The following ZDHHC23 variants were observed in gnomAD, a reference collection of about 807,000 sequenced individuals.
ZDHHC23 encodes the protein palmitoyltransferase ZDHHC23.
ZDHHC23 carries 41 observed loss-of-function variants against 40.2 expected under a neutral mutation model. The ratio of observed to expected loss-of-function variants is 1.02; its 90% CI spans 0.79 to 1.32. The LOEUF is 1.32. Ranked by LOEUF, ZDHHC23 falls within the 40% of genes most tolerant of loss-of-function variation. ZDHHC23 has a pLI of 0.00. For missense variants in ZDHHC23, 471 were observed against 541.5 expected (o/e 0.87, Z 1.29); for synonymous variants, 204 against 210.2 (o/e 0.97, Z 0.26).
intron 3 of ZDHHC23, 31 bp downstream of exon 3, chr3:113,954,441 G>C (rs372761378): frequency 2.7e-6 from 4 of 1,503,886 alleles, no homozygotes; most frequent in Non-Finnish European, 3.6e-6. Flanking sequence ...GACTTGGAAA[G>C]TGTAAATTCA....
the ZDHHC23 span, among the ~76,000 whole-genome samples, chr3:113,974,429 C>T: frequency 6.6e-6 from 1 of 151,964 alleles, no homozygotes; most frequent in East Asian, 1.9e-4. Flanking sequence ...AAGCCATTCT[C>T]CTGCCTCAGG....
the ZDHHC23 span, among the ~76,000 whole-genome samples, chr3:113,975,158 A>C: frequency 1.3e-5 from 2 of 152,178 alleles, no homozygotes; most frequent in African/African-American, 2.4e-5. Context: ...GTTAAGAACT[A>C]TGGTAGCAAG....
Position 113,962,621 on chromosome 3 carries a change from C to G in ZDHHC23, c.*3991C>G, listed in dbSNP as rs778338700. ...GCCTGCAGTCTCAACTCATTGTGATCCTAATGGTCTGGGTGATTGGATGGT... is the reference window on the plus strand; with the variant it reads ...GCCTGCAGTCTCAACTCATTGTGATGCTAATGGTCTGGGTGATTGGATGGT... On this transcript the variant is annotated 3_prime_UTR_variant, in exon 5 of 5. Coordinates refer to ENST00000638807, the MANE Select transcript of ZDHHC23 (RefSeq NM_001320466.2). The G allele has an allele frequency of 1.3e-5, 2 of 152,152 alleles. No homozygotes were observed. The highest frequency in any genetic ancestry group is 1.5e-5 in the Non-Finnish European group (1 of 68,034). The allele number at this position is 152,152 out of a possible 1,614,324, so 9.4% of individuals were successfully genotyped here.
downstream of ZDHHC23, among the ~76,000 whole-genome samples, chr3:113,966,620 C>T (rs1467251678): frequency 1.3e-5 from 2 of 152,118 alleles, no homozygotes; most frequent in Non-Finnish European, 2.9e-5. Flanking sequence ...TGTGGAGTTA[C>T]AGTGTTGAAA....
intron 3 of ZDHHC23, among the ~76,000 whole-genome samples, chr3:113,955,309 A>G (rs1939076693): frequency 6.6e-6 from 1 of 152,082 alleles, no homozygotes; most frequent in African/African-American, 2.4e-5. Flanking sequence ...CTTTAGAAGT[A>G]AACAGGTGTT....
Position 113,960,709 on chromosome 3 carries a change from AC to A in ZDHHC23, c.*2081del. On this transcript the variant is annotated 3_prime_UTR_variant, in exon 5 of 5. Coordinates refer to ENST00000638807, the MANE Select transcript of ZDHHC23 (RefSeq NM_001320466.2). ...TGATGACAATTTTTTTTAACAACTT[AC>A]CTCTAATAGGGTTACTTGGATGAGC... 1 of 1,605,004 alleles carries A rather than the reference AC, an allele frequency of 6.2e-7. No homozygotes were observed. Among genetic ancestry groups the A allele is most frequent in the Middle Eastern group, 1.7e-4 (1 of 6,026 alleles).
chr3:113,954,919 CTATT>C (rs779282152), intron 3 of ZDHHC23, among the ~76,000 whole-genome samples: 2 of 152,126 alleles, frequency 1.3e-5, no homozygotes, highest in East Asian at 1.9e-4. Flanking sequence ...GATAAACTCT[CTATT>C]TGATTATTTG....
chr3:113,972,421 A>G, the ZDHHC23 span, among the ~76,000 whole-genome samples: 1 of 152,014 alleles, frequency 6.6e-6, no homozygotes, highest in East Asian at 1.9e-4. Context: ...ATTTTATTCT[A>G]TTGTGGTCAG....
At chr3:113,965,504 AGT>A (rs1940034259), downstream of ZDHHC23, 2 of 447,756 alleles carry the variant, frequency 4.5e-6, no homozygotes, top group Non-Finnish European at 3.9e-6. Flanking sequence ...GGATTATGAC[AGT>A]GTGAAATGCT....
At chr3:113,971,527 C>A in the ZDHHC23 span, among the ~76,000 whole-genome samples, 1 of 152,156 alleles carries the variant, frequency 6.6e-6, no homozygotes, top group Non-Finnish European at 1.5e-5. Flanking sequence ...TGGGATAAAT[C>A]CCACTTGATC....
At chr3:113,948,658 CT>C in intron 1 of ZDHHC23, 27 bp from the exon 2 acceptor site, 3 of 943,660 alleles carry the variant, frequency 3.2e-6, no homozygotes, top group Non-Finnish European at 4.6e-6. Flanking sequence ...CCCCCTCCCC[CT>C]CTCTCTTCTC....
At position 113,963,179 on chromosome 3, in the gene ZDHHC23, A is replaced by C. The variant is rs1325989505; in HGVS notation, c.*4549A>C. 2 of 152,126 alleles carry C rather than the reference A, an allele frequency of 1.3e-5. No homozygotes were observed. Among genetic ancestry groups the C allele is most frequent in the African/African-American group, 4.8e-5 (2 of 41,408 alleles). The allele number at this position is 152,126 out of a possible 1,614,324, so 9.4% of individuals were successfully genotyped here. A position where few individuals can be genotyped will look rare whatever the true frequency, so the allele number is the denominator to read the frequency against. On this transcript the variant is annotated 3_prime_UTR_variant, in exon 5 of 5. Transcript: ENST00000638807. ...CTGCTTGTTGGGGCATTATGTTAAC[A>C]GTAACATTTTGAAACATACTTTCAT...
In ZDHHC23 at chr3:113,948,752, C is replaced by T. The variant is rs1308115866; in HGVS notation, c.-51C>T. Reference sequence around the variant, plus strand: ...TACGAGATGTAAGTTGTGTTCTTTCCACCTTTACCTTCTGAGGGCTTCTTA... The same window carrying T: ...TACGAGATGTAAGTTGTGTTCTTTCTACCTTTACCTTCTGAGGGCTTCTTA... On this transcript the variant is annotated 5_prime_UTR_variant, in exon 2 of 5. Transcript: ENST00000638807. 1.1e-5 allele frequency: 17 copies of T among 1,609,054 alleles called. No homozygotes were observed. Among genetic ancestry groups the T allele is most frequent in the Non-Finnish European group, 1.4e-5 (17 of 1,177,012 alleles).
At chr3:113,979,100 A>C in the ZDHHC23 span, 2 of 1,187,422 alleles carry the variant, frequency 1.7e-6, no homozygotes, top group African/African-American at 1.5e-5. Context: ...GCTATAAAAC[A>C]CATTTAGGCA....
At chr3:113,952,758 T>C (rs1400155508) in intron 2 of ZDHHC23, among the ~76,000 whole-genome samples, 1 of 152,174 alleles carries the variant, frequency 6.6e-6, no homozygotes, top group Admixed American at 6.5e-5. Flanking sequence ...AGCAGCAGAT[T>C]CAGTGTCTGG....
downstream of ZDHHC23, among the ~76,000 whole-genome samples, chr3:113,967,463 T>G (rs73230261): frequency 0.013 from 1,951 of 152,048 alleles, 30 homozygotes; most frequent in South Asian, 0.038. Context: ...TGATCACTGG[T>G]TTGGCACTTA....
intron 3 of ZDHHC23, 51 bp from the exon 4 acceptor site, chr3:113,956,288 A>C: frequency 6.4e-7 from 1 of 1,563,188 alleles, no homozygotes. Context: ...AAGTTATATC[A>C]AGAACTCTTA....
downstream of ZDHHC23, among the ~76,000 whole-genome samples, chr3:113,970,144 T>A (rs1048775632): frequency 4.0e-4 from 61 of 152,304 alleles, no homozygotes; most frequent in African/African-American, 1.3e-3. Flanking sequence ...TTTTTCAGAT[T>A]GTTCACTGTT....
chr3:113,970,197 T>C (rs1019750331), downstream of ZDHHC23, among the ~76,000 whole-genome samples: 1 of 152,162 alleles, frequency 6.6e-6, no homozygotes, highest in African/African-American at 2.4e-5. Context: ...GAATGTTGAT[T>C]TTGTATGCTG....
Sources: allele counts gnomAD v4.1 joint callset (sites outside exome capture counted in the v4.1 genomes callset), GRCh38; gene constraint gnomAD v4.1.1; transcripts MANE v1.5; gene names NCBI Gene and HGNC (gene_info 2026-07-23, HGNC 2026-07-21).